The following PDIK1L variants were observed in gnomAD, a reference collection of about 807,000 sequenced individuals.
PDIK1L encodes the protein PDLIM1 interacting kinase 1 like, also known as serine/threonine-protein kinase PDIK1L.
PDIK1L carries 9 observed loss-of-function variants against 27.1 expected under a neutral mutation model. The ratio of observed to expected loss-of-function variants is 0.33; its 90% CI spans 0.20 to 0.58. The LOEUF (loss-of-function observed/expected upper bound fraction) is 0.58, where lower values mean the gene tolerates loss of function less well. Among genes scored for constraint, PDIK1L ranks in the 20% least tolerant of loss-of-function variants. The pLI, the probability that PDIK1L is intolerant of heterozygous loss-of-function variation, is 0.86. For synonymous variants in PDIK1L, 130 were observed against 141.7 expected (o/e 0.92, Z 0.59); for missense variants, 216 against 413.2 (o/e 0.52, Z 4.14).
chr1:26,114,146 CTTAAAA>C lies in PDIK1L; in HGVS notation c.-17-142_-17-137del. On this transcript the variant is annotated intron_variant, in intron 1 of 2. Transcript: ENST00000374269. This position sits in a 1 kb window ranked among gnomAD's most constrained non-coding sequence, Gnocchi z 4.8. ...ACCTGTTAGCTTTATTGTTACTATT[CTTAAAA>C]TTAGATTTCCCCTAGGTATAGCAAA... The C allele has an allele frequency of 1.3e-6, 1 of 766,744 alleles. No individual in the cohort carries two copies. Among genetic ancestry groups the C allele is most frequent in the Non-Finnish European group, 2.0e-6 (1 of 488,912 alleles). The allele number at this position is 766,744 out of a possible 1,614,324, so 47.5% of individuals were successfully genotyped here. A position where few individuals can be genotyped will look rare whatever the true frequency, so the allele number is the denominator to read the frequency against.
chr1:26,119,491 T>A (rs2087940161), intron 2 of PDIK1L, among the ~76,000 whole-genome samples: 1 of 151,910 alleles, frequency 6.6e-6, no homozygotes, highest in South Asian at 2.1e-4. Flanking sequence ...GTTAGCTAGA[T>A]AAGTGAGAAA....
intron 2 of PDIK1L, among the ~76,000 whole-genome samples, chr1:26,120,810 G>A (rs992371410): frequency 6.6e-6 from 1 of 152,008 alleles, no homozygotes; most frequent in African/African-American, 2.4e-5. Flanking sequence ...AAGTTAGCTG[G>A]GCGTGGTGGC....
At chr1:26,113,004 C>A (rs561944786) in intron 1 of PDIK1L, among the ~76,000 whole-genome samples, 1 of 152,342 alleles carries the variant, frequency 6.6e-6, no homozygotes, top group Admixed American at 6.5e-5. Flanking sequence ...TTCCCAAGAA[C>A]TCTGTCAGAG....
intron 2 of PDIK1L, 112 bp from the exon 3 acceptor site, chr1:26,121,725 A>G (rs2087991984): frequency 9.1e-7 from 1 of 1,093,870 alleles, no homozygotes; most frequent in Non-Finnish European, 1.3e-6. Context: ...AAATATTTAT[A>G]GAGTTTCCAC....
chr1:26,122,466 A>G lies in PDIK1L; in HGVS notation c.915A>G (p.Lys305=), dbSNP rs1299890632. Residue 305 remains lysine, a synonymous_variant, in exon 3 of 3, where the codon AAA becomes AAG. Coordinates refer to ENST00000374269, the MANE Select transcript of PDIK1L (RefSeq NM_152835.5). The surrounding 1 kb of genome is among the most constrained non-coding windows in gnomAD (Gnocchi z 5.4). ...VKKKSMNGRM[K]QLIKEMLAAN... ...AAAAATCTATGAATGGGCGAATGAA[A>G]CAACTGATTAAGGAAATGCTGGCTG... 6.2e-7 allele frequency: 1 copy of G among 1,614,196 alleles called. No homozygotes were observed. Among genetic ancestry groups the G allele is most frequent in the Non-Finnish European group, 8.5e-7 (1 of 1,180,018 alleles).
At chr1:26,113,144 T>C (rs1404577751) in intron 1 of PDIK1L, among the ~76,000 whole-genome samples, 1 of 152,230 alleles carries the variant, frequency 6.6e-6, no homozygotes, top group Non-Finnish European at 1.5e-5. Context: ...GTTAAATGAC[T>C]ACAAAAAGGT....
At position 26,122,321 on chromosome 1, in the gene PDIK1L, T is replaced by C. The variant is rs2088002153; in HGVS notation, c.770T>C (p.Ile257Thr). The change falls in exon 3 of 3, where the codon ATA becomes ACA. Residue 257 changes from isoleucine (I) to threonine (T), a missense_variant. This residue lies in a region of PDIK1L where 169 missense variants were observed against 366.0 expected (regional missense o/e 0.46). Coordinates refer to ENST00000374269, the MANE Select transcript of PDIK1L (RefSeq NM_152835.5). This position sits in a 1 kb window ranked among gnomAD's most constrained non-coding sequence, Gnocchi z 5.4. The part of the protein sequence containing the change: ...IWAMLERITF[I>T]DTETKKELLG... ...GCAATGCTGGAAAGGATCACATTCATAGACACAGAGACAAAGAAGGAACTC... is the reference window on the plus strand; with the variant it reads ...GCAATGCTGGAAAGGATCACATTCACAGACACAGAGACAAAGAAGGAACTC... The C allele has an allele frequency of 1.2e-6, 2 of 1,614,048 alleles. No individual in the cohort carries two copies. Among genetic ancestry groups the C allele is most frequent in the African/African-American group, 1.3e-5 (1 of 74,928 alleles).
At chr1:26,117,612 G>A (rs931063527) in intron 2 of PDIK1L, among the ~76,000 whole-genome samples, 11 of 152,026 alleles carry the variant, frequency 7.2e-5, no homozygotes, top group African/African-American at 2.4e-4. Flanking sequence ...GTGTGGCAGC[G>A]TGTGCCTGTA....
upstream of PDIK1L, chr1:26,111,248 G>A (rs1348062808): frequency 6.5e-6 from 1 of 154,282 alleles, no homozygotes; most frequent in Non-Finnish European, 1.4e-5. The surrounding 1 kb of genome is among the most constrained non-coding windows in gnomAD (Gnocchi z 4.0). Context: ...CAGTGACTCG[G>A]AGAAAAGCTG....
chr1:26,120,752 G>C (rs2087966175), intron 2 of PDIK1L, among the ~76,000 whole-genome samples: 1 of 152,154 alleles, frequency 6.6e-6, no homozygotes, highest in Admixed American at 6.5e-5. Context: ...AAGAGATTGA[G>C]ACCATCCTGG....
At chr1:26,116,342 T>C (rs777152087) in intron 2 of PDIK1L, among the ~76,000 whole-genome samples, 1 of 151,902 alleles carries the variant, frequency 6.6e-6, no homozygotes, top group Non-Finnish European at 1.5e-5. Flanking sequence ...AAACCCCATC[T>C]GTACAAAAAA....
rs754209751 is a variant in PDIK1L, at chr1:26,122,253, C to T, written c.702C>T (p.Tyr234=). ...CTCCTGAAGTTTGGGAAGGACATTA[C>T]ACAGCAAAAGCTGACATCTTTGCTC... The part of the protein sequence containing the change: ...YMAPEVWEGH[Y]TAKADIFALG... Residue 234 remains tyrosine (Y), a synonymous_variant, in exon 3 of 3, where the codon TAC becomes TAT. Coordinates refer to ENST00000374269, the MANE Select transcript of PDIK1L (RefSeq NM_152835.5). This position sits in a 1 kb window ranked among gnomAD's most constrained non-coding sequence, Gnocchi z 5.4. 4.3e-6 allele frequency: 7 copies of T among 1,614,074 alleles called. No homozygotes were observed. Among genetic ancestry groups the T allele is most frequent in the Non-Finnish European group, 5.9e-6 (7 of 1,180,034 alleles).
chr1:26,115,539 C>T (rs899190915), intron 2 of PDIK1L, among the ~76,000 whole-genome samples: 2 of 152,196 alleles, frequency 1.3e-5, no homozygotes, highest in Admixed American at 1.3e-4. Context: ...CAGTGGCTCA[C>T]GCCTGTAATC....
intron 2 of PDIK1L, among the ~76,000 whole-genome samples, chr1:26,115,987 G>T (rs1005505960): frequency 2.6e-5 from 4 of 152,108 alleles, no homozygotes; most frequent in African/African-American, 9.7e-5. Context: ...GATCACCTGA[G>T]GTCAGGAGTT....
At chr1:26,112,202 C>A (rs1235437035) in intron 1 of PDIK1L, among the ~76,000 whole-genome samples, 2 of 152,230 alleles carry the variant, frequency 1.3e-5, no homozygotes, top group Non-Finnish European at 2.9e-5. Context: ...TGAGCACGGC[C>A]GAGGAGGGGG....
intron 2 of PDIK1L, among the ~76,000 whole-genome samples, chr1:26,115,928 T>A (rs1168153041): frequency 6.6e-6 from 1 of 151,554 alleles, no homozygotes; most frequent in East Asian, 2.0e-4. Flanking sequence ...CTGGGCATGG[T>A]GGCTCATCAC....
rs2088020337 is a variant in PDIK1L, at chr1:26,123,154, C to A, written c.*577C>A. The A allele has an allele frequency of 6.6e-6, 1 of 151,926 alleles. No homozygotes were observed. The highest frequency in any genetic ancestry group is 1.9e-4 in the East Asian group (1 of 5,172). The allele number at this position is 151,926 out of a possible 1,614,324, so 9.4% of individuals were successfully genotyped here. A position where few individuals can be genotyped will look rare whatever the true frequency, so the allele number is the denominator to read the frequency against. On this transcript the variant is annotated 3_prime_UTR_variant, in exon 3 of 3. Coordinates refer to ENST00000374269, the MANE Select transcript of PDIK1L (RefSeq NM_152835.5). Reference sequence around the variant, plus strand: ...CTTATCTTCCTACTCTGCCCCTCCCCCTAATGAAATCATATTAAGTTGTTT... The same window carrying A: ...CTTATCTTCCTACTCTGCCCCTCCCACTAATGAAATCATATTAAGTTGTTT...
rs1050670206 is a variant in PDIK1L at position 26,122,743 on chromosome 1, G to A, written c.*166G>A. 92 of 764,294 alleles carry A rather than the reference G, an allele frequency of 1.2e-4. No individual in the cohort carries two copies. Among genetic ancestry groups the A allele is most frequent in the Non-Finnish European group, 1.4e-4 (75 of 528,226 alleles). The allele number at this position is 764,294 out of a possible 1,614,324, so 47.3% of individuals were successfully genotyped here. A position where few individuals can be genotyped will look rare whatever the true frequency, so the allele number is the denominator to read the frequency against. ...CATTTTTCTTAAATCCAAGTTGGCCGTTTTATTAGTATGTTTCAAATGTGT... is the reference window on the plus strand; with the variant it reads ...CATTTTTCTTAAATCCAAGTTGGCCATTTTATTAGTATGTTTCAAATGTGT... On this transcript the variant is annotated 3_prime_UTR_variant, in exon 3 of 3. Transcript: ENST00000374269. The surrounding 1 kb of genome is among the most constrained non-coding windows in gnomAD (Gnocchi z 5.4).
chr1:26,118,986 A>G (rs191763515), intron 2 of PDIK1L, among the ~76,000 whole-genome samples: 8 of 152,364 alleles, frequency 5.3e-5, no homozygotes, highest in African/African-American at 1.4e-4. Context: ...ATGTAAAACA[A>G]TTAACAGAGG....
Sources: gnomAD v4.1 joint callset for allele counts (sites outside exome capture counted in the v4.1 genomes callset) on GRCh38, gnomAD v4.1.1 for gene constraint, gnomAD v4.1.1 regional missense constraint, Gnocchi (gnomAD v3.1) non-coding constraint, MANE v1.5 for transcripts, NCBI Gene and HGNC (gene_info 2026-07-23, HGNC 2026-07-21) for gene names.